The following RBFOX1 variants were observed in gnomAD, a reference collection of about 807,000 sequenced individuals.
RBFOX1 encodes RNA binding protein fox-1 homolog 1.
In RBFOX1, 8 loss-of-function variants were observed where a neutral mutation model predicts 57.7. That is an observed-to-expected ratio of 0.14 (90% CI 0.08 to 0.25). RBFOX1 has a LOEUF of 0.25. Ranked by LOEUF, RBFOX1 falls within the 10% of genes least tolerant of loss-of-function variation. RBFOX1 has a pLI of 1.00. For synonymous variants in RBFOX1, 326 were observed against 222.4 expected, an observed-to-expected ratio of 1.47 and a Z score of -4.15; for missense variants, 611 against 548.5, an observed-to-expected ratio of 1.11 and a Z score of -1.14.
At chr16:7,347,612 G>A (rs947816134) in intron 4 of RBFOX1, among the ~76,000 whole-genome samples, 7 of 152,062 alleles carry the variant, frequency 4.6e-5, no homozygotes, top group Admixed American at 2.6e-4. Context: ...CAGTCACGCC[G>A]AGATTGAAAA....
At chr16:6,756,602 G>T (rs999398240) in intron 3 of RBFOX1, among the ~76,000 whole-genome samples, 1 of 152,072 alleles carries the variant, frequency 6.6e-6, no homozygotes, top group Non-Finnish European at 1.5e-5. Flanking sequence ...AAGGAACACA[G>T]TCAACTCCAT....
At chr16:7,388,016 A>G (rs370391871) in intron 4 of RBFOX1, among the ~76,000 whole-genome samples, 3 of 152,090 alleles carry the variant, frequency 2.0e-5, no homozygotes, top group African/African-American at 7.2e-5. Context: ...CAAACAAAAC[A>G]AAACAAAATA....
intron 1 of RBFOX1, among the ~76,000 whole-genome samples, chr16:6,108,041 G>A (rs1216112455): frequency 6.6e-6 from 1 of 151,654 alleles, no homozygotes; most frequent in Non-Finnish European, 1.5e-5. Flanking sequence ...GAAAATATTA[G>A]GCTCACTATT....
At chr16:7,202,695 T>C (rs570219871) in intron 4 of RBFOX1, among the ~76,000 whole-genome samples, 51 of 152,280 alleles carry the variant, frequency 3.3e-4, no homozygotes, top group African/African-American at 1.2e-3. Context: ...ACAAACTCTT[T>C]TGTGAACTCT....
At chr16:7,185,259 A>G (rs2083483238) in intron 4 of RBFOX1, among the ~76,000 whole-genome samples, 1 of 152,118 alleles carries the variant, frequency 6.6e-6, no homozygotes, top group African/African-American at 2.4e-5. Context: ...AAGAAAGCAA[A>G]TTGAAGGAGG....
At chr16:6,980,544 A>G (rs774862928) in intron 3 of RBFOX1, among the ~76,000 whole-genome samples, 1 of 152,218 alleles carries the variant, frequency 6.6e-6, no homozygotes, top group Non-Finnish European at 1.5e-5. Context: ...CCAAGCTAAC[A>G]TTTGACATGA....
At chr16:6,882,156 A>G (rs1390401462) in intron 3 of RBFOX1, among the ~76,000 whole-genome samples, 1 of 152,106 alleles carries the variant, frequency 6.6e-6, no homozygotes, top group East Asian at 1.9e-4. Flanking sequence ...TAGATGCCTC[A>G]TTAATTCTGT....
At chr16:6,749,704 A>G (rs997320268) in intron 3 of RBFOX1, among the ~76,000 whole-genome samples, 46 of 152,310 alleles carry the variant, frequency 3.0e-4, no homozygotes, top group African/African-American at 1.0e-3. Context: ...AATAAGCCCA[A>G]AGAATTGCAG....
chr16:6,098,584 A>G (rs1319981992), intron 1 of RBFOX1, among the ~76,000 whole-genome samples: 1 of 152,234 alleles, frequency 6.6e-6, no homozygotes, highest in Non-Finnish European at 1.5e-5. Context: ...ACCCTGCTTC[A>G]GTCTTTTGTT....
intron 3 of RBFOX1, among the ~76,000 whole-genome samples, chr16:5,687,448 A>C (rs2050539317): frequency 1.3e-5 from 2 of 152,184 alleles, no homozygotes; most frequent in African/African-American, 2.4e-5. Context: ...TGTACATCTC[A>C]CAACTGTTGG....
chr16:7,263,205 G>C (rs893614752), intron 4 of RBFOX1, among the ~76,000 whole-genome samples: 1 of 152,176 alleles, frequency 6.6e-6, no homozygotes, highest in Admixed American at 6.5e-5. Context: ...GCAGAGCCGT[G>C]AGTTACTTTG....
chr16:6,421,049 T>C (rs755557894), intron 2 of RBFOX1, among the ~76,000 whole-genome samples: 2 of 152,160 alleles, frequency 1.3e-5, no homozygotes, highest in Non-Finnish European at 2.9e-5. Flanking sequence ...TGCTAGGCAA[T>C]AGAAGACATA....
chr16:6,867,447 G>C (rs58325870), intron 3 of RBFOX1, among the ~76,000 whole-genome samples: 1 of 151,704 alleles, frequency 6.6e-6, no homozygotes, highest in Non-Finnish European at 1.5e-5. Flanking sequence ...GGCCGGGTGT[G>C]GGGGCTCACT....
At chr16:5,623,243 G>T (rs1269631044) in intron 3 of RBFOX1, among the ~76,000 whole-genome samples, 1 of 152,148 alleles carries the variant, frequency 6.6e-6, no homozygotes, top group Admixed American at 6.5e-5. Flanking sequence ...TGGGGTGACT[G>T]TTTTCCGTTT....
intron 2 of RBFOX1, among the ~76,000 whole-genome samples, chr16:6,391,044 G>A (rs761985144): frequency 8.5e-5 from 13 of 152,080 alleles, no homozygotes; most frequent in South Asian, 2.1e-4. Flanking sequence ...ATAGTACCTC[G>A]CACTCCTCCA....
At chr16:6,044,514 A>G (rs889983423) in intron 1 of RBFOX1, among the ~76,000 whole-genome samples, 7 of 152,044 alleles carry the variant, frequency 4.6e-5, no homozygotes, top group Non-Finnish European at 7.3e-5. Flanking sequence ...AATTCAAACA[A>G]TTCCACAGGT....
intron 3 of RBFOX1, among the ~76,000 whole-genome samples, chr16:6,763,639 A>G (rs2076939363): frequency 1.3e-5 from 2 of 152,164 alleles, no homozygotes; most frequent in East Asian, 3.9e-4. Flanking sequence ...TACGTATTTC[A>G]TTCTCTGTTC....
rs527512403 is a variant in RBFOX1 at position 6,716,297 on chromosome 16, A to G, written c.-16+61647A>G. On this transcript the variant is annotated intron_variant, in intron 3 of 15. Transcript: ENST00000550418. ...AAGCCATCGTTGCTTTTCATAAACA[A>G]CTTCCGATCCCTTCTGTGGGGTATT... 1.3e-4 allele frequency among the ~76,000 whole-genome samples: 20 copies of G among 152,240 alleles called. No individual in the cohort carries two copies. The East Asian group carries it at 2.3e-3, about 18-fold the overall frequency.
At chr16:7,651,275 G>A (rs1434858584) in intron 11 of RBFOX1, among the ~76,000 whole-genome samples, 1 of 152,140 alleles carries the variant, frequency 6.6e-6, no homozygotes, top group Non-Finnish European at 1.5e-5. Flanking sequence ...GGGTTCGGGG[G>A]TTTTATTTGG....
Sources: gnomAD v4.1 joint callset for allele counts (sites outside exome capture counted in the v4.1 genomes callset) on GRCh38, gnomAD v4.1.1 for gene constraint, MANE v1.5 for transcripts, NCBI Gene and HGNC (gene_info 2026-07-23, HGNC 2026-07-21) for gene names.